Variants in FAM13A observed in about 807,000 individuals in gnomAD.
FAM13A encodes protein FAM13A.
Under a neutral mutation model 129.6 loss-of-function variants are expected in FAM13A, and 76 were observed. The ratio of observed to expected loss-of-function variants is 0.59; its 90% CI spans 0.49 to 0.71. The LOEUF (loss-of-function observed/expected upper bound fraction) is 0.71. FAM13A is among the 30% of genes least tolerant of loss of function. The pLI is 0.00. For synonymous variants in FAM13A, 443 were observed against 449.9 expected, an observed-to-expected ratio of 0.98 and a Z score of 0.20; for missense variants, 1,108 against 1,249.3, an observed-to-expected ratio of 0.89 and a Z score of 1.70.
intron 4 of FAM13A, among the ~76,000 whole-genome samples, chr4:88,973,504 C>G (rs1258314216): frequency 6.6e-6 from 1 of 152,082 alleles, no homozygotes; most frequent in Non-Finnish European, 1.5e-5. Context: ...GCTTTTGGTT[C>G]TTTCTTAGAA....
chr4:88,883,298 A>G (rs992959293), intron 6 of FAM13A, among the ~76,000 whole-genome samples: 11 of 152,162 alleles, frequency 7.2e-5, no homozygotes, highest in Non-Finnish European at 5.9e-5. Context: ...AAGAAGATTG[A>G]AATATATCAA....
At chr4:88,772,209 C>G (rs1720807568) in intron 11 of FAM13A, among the ~76,000 whole-genome samples, 1 of 152,158 alleles carries the variant, frequency 6.6e-6, no homozygotes, top group Non-Finnish European at 1.5e-5. Flanking sequence ...TAACCTTGAG[C>G]TCTAAGAGGA....
intron 7 of FAM13A, among the ~76,000 whole-genome samples, chr4:88,816,026 A>C (rs1016522089): frequency 6.6e-6 from 1 of 152,030 alleles, no homozygotes; most frequent in African/African-American, 2.4e-5. Flanking sequence ...TTTTTGAATA[A>C]ATCTTTATCT....
At chr4:88,924,155 T>C (rs540435257) in intron 5 of FAM13A, among the ~76,000 whole-genome samples, 1 of 152,212 alleles carries the variant, frequency 6.6e-6, no homozygotes, top group South Asian at 2.1e-4. Flanking sequence ...TTCAATGCCA[T>C]CCCCATCAAG....
intron 2 of FAM13A, among the ~76,000 whole-genome samples, chr4:89,025,085 T>C (rs533752473): frequency 3.0e-4 from 45 of 152,240 alleles, no homozygotes; most frequent in African/African-American, 1.0e-3. Flanking sequence ...AATTTTCATA[T>C]GTTGATGGTG....
intron 5 of FAM13A, among the ~76,000 whole-genome samples, chr4:88,919,688 C>T (rs1027927207): frequency 6.6e-6 from 1 of 152,194 alleles, no homozygotes; most frequent in Non-Finnish European, 1.5e-5. Flanking sequence ...GAGTGCCAGA[C>T]AGTGGGCGCA....
At chr4:88,925,195 C>G (rs1751888318) in intron 5 of FAM13A, among the ~76,000 whole-genome samples, 3 of 152,062 alleles carry the variant, frequency 2.0e-5, no homozygotes, top group Admixed American at 6.6e-5. Flanking sequence ...CCCAGCCATC[C>G]CATTAGTGGG....
intron 8 of FAM13A, among the ~76,000 whole-genome samples, chr4:88,801,841 T>C (rs151093865): frequency 0.017 from 1,699 of 98,992 alleles, 9 homozygotes; most frequent in Admixed American, 0.022. Context: ...AGGTGGGAGC[T>C]GGTAGAGATG....
chr4:88,876,151 G>GGA (rs1742416191), intron 6 of FAM13A, among the ~76,000 whole-genome samples: 1 of 152,144 alleles, frequency 6.6e-6, no homozygotes, highest in Non-Finnish European at 1.5e-5. Flanking sequence ...TGGGATGGGG[G>GGA]GCTGGGGGAG....
chr4:88,936,640 C>T (rs866398712), intron 5 of FAM13A: 1 of 152,838 alleles, frequency 6.5e-6, no homozygotes, highest in African/African-American at 2.4e-5. Flanking sequence ...ATATCAACTT[C>T]CCATTGGCAT....
rs1463194873 is a variant in FAM13A at position 88,728,406 on chromosome 4, G to T, written c.*127C>A. The T allele has an allele frequency of 1.8e-6, 2 of 1,118,380 alleles. No homozygotes were observed. Among genetic ancestry groups the T allele is most frequent in the Non-Finnish European group, 2.6e-6 (2 of 773,540 alleles). The allele number at this position is 1,118,380 out of a possible 1,614,324, so 69.3% of individuals were successfully genotyped here. On this transcript the variant is annotated 3_prime_UTR_variant, in exon 24 of 24. Transcript: ENST00000264344. ...ATGGAAACAGGAGCCGATGCCAAAT[G>T]GTCTAGAGGCAGAAGGGCTGCATGC...
chr4:88,905,306 T>A (rs555361428), intron 6 of FAM13A, among the ~76,000 whole-genome samples: 15 of 152,160 alleles, frequency 9.9e-5, no homozygotes, highest in Non-Finnish European at 2.2e-4. Context: ...GCTAATTTTT[T>A]TTGTATTTTT....
At chr4:88,866,896 A>T (rs931686690) in intron 6 of FAM13A, among the ~76,000 whole-genome samples, 1 of 152,238 alleles carries the variant, frequency 6.6e-6, no homozygotes, top group Non-Finnish European at 1.5e-5. Context: ...ATAATTTTTT[A>T]AACTTTTTAA....
chr4:88,837,684 C>T (rs1200321474), intron 7 of FAM13A, among the ~76,000 whole-genome samples: 1 of 137,074 alleles, frequency 7.3e-6, no homozygotes, highest in Non-Finnish European at 1.5e-5. Context: ...CACCATTGCA[C>T]TCCAGCCTGG....
At chr4:88,773,653 G>T (rs548496054) in intron 11 of FAM13A, among the ~76,000 whole-genome samples, 2 of 152,120 alleles carry the variant, frequency 1.3e-5, no homozygotes, top group South Asian at 4.2e-4. Flanking sequence ...TTTACCCTTT[G>T]TACTCAGTCC....
At chr4:88,867,573 G>A (rs1740663961) in intron 6 of FAM13A, among the ~76,000 whole-genome samples, 1 of 152,186 alleles carries the variant, frequency 6.6e-6, no homozygotes, top group Admixed American at 6.5e-5. Context: ...GTTAAGTATT[G>A]ACTTTGGGGT....
At chr4:88,780,833 GAACA>G (rs1722693778) in intron 11 of FAM13A, among the ~76,000 whole-genome samples, 1 of 149,878 alleles carries the variant, frequency 6.7e-6, no homozygotes, top group Non-Finnish European at 1.5e-5. Flanking sequence ...ACTCAGACAA[GAACA>G]AATAGAATGG....
intron 4 of FAM13A, among the ~76,000 whole-genome samples, chr4:88,948,779 G>A (rs574431270): frequency 1.1e-4 from 16 of 152,240 alleles, no homozygotes; most frequent in Admixed American, 2.6e-4. Context: ...GTGAGTCACC[G>A]TGCCAGCCTG....
chr4:88,743,981 C>A (rs1206521398), intron 19 of FAM13A, among the ~76,000 whole-genome samples: 3 of 152,136 alleles, frequency 2.0e-5, no homozygotes, highest in Non-Finnish European at 4.4e-5. Flanking sequence ...CTGTTGCATT[C>A]TTGGCCTGTT....
Sources: allele counts gnomAD v4.1 joint callset (sites outside exome capture counted in the v4.1 genomes callset), GRCh38; gene constraint gnomAD v4.1.1; transcripts MANE v1.5; gene names NCBI Gene and HGNC (gene_info 2026-07-23, HGNC 2026-07-21).